Variants in MAN1C1 observed in about 807,000 individuals in gnomAD.
The protein encoded by MAN1C1 is mannosidase alpha class 1C member 1, also known as mannosyl-oligosaccharide 1,2-alpha-mannosidase IC.
In MAN1C1, 49 loss-of-function variants were observed where a neutral mutation model predicts 71.5. The observed-to-expected ratio is 0.69, with a 90% CI of 0.54 to 0.87. The LOEUF (loss-of-function observed/expected upper bound fraction) is 0.87. Among genes scored for constraint, MAN1C1 ranks in the 40% least tolerant of loss-of-function variants. The pLI is 0.00. For missense variants in MAN1C1, 743 were observed against 835.0 expected (o/e 0.89, Z 1.36); for synonymous variants, 352 against 343.7 (o/e 1.02, Z -0.27).
chr1:25,754,189 C>G (rs762403051), intron 5 of MAN1C1, among the ~76,000 whole-genome samples: 2 of 152,184 alleles, frequency 1.3e-5, no homozygotes, highest in Non-Finnish European at 2.9e-5. Flanking sequence ...ATCCTCGAGG[C>G]CCTCCAACAA....
intron 1 of MAN1C1, among the ~76,000 whole-genome samples, chr1:25,663,881 A>G (rs909224362): frequency 2.6e-5 from 4 of 152,256 alleles, no homozygotes; most frequent in Non-Finnish European, 5.9e-5. Context: ...ATAAAAAGTT[A>G]GAACATGGTG....
intron 1 of MAN1C1, among the ~76,000 whole-genome samples, chr1:25,656,136 C>T (rs181459412): frequency 0.03 from 3,459 of 113,780 alleles, 62 homozygotes; most frequent in Middle Eastern, 0.049. Flanking sequence ...CTCACTCTGT[C>T]GCCTAGGCTG....
chr1:25,660,585 G>A (rs1401668606), intron 1 of MAN1C1, among the ~76,000 whole-genome samples: 1 of 150,338 alleles, frequency 6.7e-6, no homozygotes, highest in Non-Finnish European at 1.5e-5. Context: ...GTAGAGACGG[G>A]GTTTCACCGC....
chr1:25,630,773 T>C (rs1019250129), intron 1 of MAN1C1, among the ~76,000 whole-genome samples: 4 of 152,214 alleles, frequency 2.6e-5, no homozygotes, highest in Non-Finnish European at 5.9e-5. Context: ...CCTGAGACTT[T>C]AATGAATTTA....
chr1:25,630,839 T>G (rs1316488686), intron 1 of MAN1C1, among the ~76,000 whole-genome samples: 1 of 152,236 alleles, frequency 6.6e-6, no homozygotes, highest in East Asian at 1.9e-4. Context: ...AGGTATACAG[T>G]CATATCATCT....
intron 2 of MAN1C1, among the ~76,000 whole-genome samples, chr1:25,728,207 T>C (rs1229597163): frequency 3.3e-5 from 5 of 152,194 alleles, no homozygotes; most frequent in Non-Finnish European, 5.9e-5. Context: ...GAGCCCCTGC[T>C]GCGAGCTTCT....
intron 2 of MAN1C1, among the ~76,000 whole-genome samples, chr1:25,707,748 C>T (rs2046543814): frequency 6.6e-6 from 1 of 152,226 alleles, no homozygotes; most frequent in South Asian, 2.1e-4. Context: ...CCTGGATCTG[C>T]ATTTACATTG....
chr1:25,633,259 G>A (rs1381721987), intron 1 of MAN1C1, among the ~76,000 whole-genome samples: 2 of 152,200 alleles, frequency 1.3e-5, no homozygotes, highest in Non-Finnish European at 2.9e-5. Context: ...TGAGAAGAAT[G>A]TGTATTCTGC....
chr1:25,767,946 C>G (rs572206275), intron 7 of MAN1C1, among the ~76,000 whole-genome samples: 17 of 121,798 alleles, frequency 1.4e-4, no homozygotes, highest in African/African-American at 5.4e-4. Context: ...CACCCACACT[C>G]CCCTCACATA....
At position 25,730,845 on chromosome 1, in the gene MAN1C1, T is replaced by C. The variant is rs1334014792; in HGVS notation, c.638-15823T>C. Reference sequence around the variant, plus strand: ...ATGGAGTCCTGCACCCTTCACCTGATTCAGGCCACCCACATCTGCGACAGG... The same window carrying C: ...ATGGAGTCCTGCACCCTTCACCTGACTCAGGCCACCCACATCTGCGACAGG... On this transcript the variant is annotated intron_variant, in intron 2 of 11. Coordinates refer to ENST00000374332, the MANE Select transcript of MAN1C1 (RefSeq NM_020379.4). The surrounding 1 kb of genome is among the most constrained non-coding windows in gnomAD (Gnocchi z 4.3). 2.0e-5 allele frequency among the ~76,000 whole-genome samples: 3 copies of C among 152,198 alleles called. No individual in the cohort carries two copies. The highest frequency in any genetic ancestry group is 4.4e-5 in the Non-Finnish European group (3 of 68,024).
intron 1 of MAN1C1, among the ~76,000 whole-genome samples, chr1:25,643,652 C>T (rs995275805): frequency 6.7e-6 from 1 of 149,368 alleles, no homozygotes; most frequent in Admixed American, 6.7e-5. Flanking sequence ...TTACAGACAC[C>T]CGCCACCCCA....
In MAN1C1 at chr1:25,686,467, A is replaced by C; in HGVS notation, c.568A>C (p.Lys190Gln). 6.2e-7 allele frequency: 1 copy of C among 1,614,200 alleles called. No individual in the cohort carries two copies. Among genetic ancestry groups the C allele is most frequent in the Non-Finnish European group, 8.5e-7 (1 of 1,180,018 alleles). The change falls in exon 2 of 12, where the codon AAG becomes CAG. Residue 190 changes from lysine to glutamine, a missense_variant. Physicochemically the swap from Lys to Gln is moderately conservative, Grantham distance 53. Transcript: ENST00000374332. ...GATGCAGTTTGCTTGGCAGAGCTAT[A>C]AGCGTTATGCAATGGGGAAAAACGA... ...EMMQFAWQSY[K>Q]RYAMGKNELR... is the part of the protein sequence containing the mutation.
chr1:25,660,021 A>C (rs1268135075), intron 1 of MAN1C1, among the ~76,000 whole-genome samples: 1 of 152,220 alleles, frequency 6.6e-6, no homozygotes, highest in Admixed American at 6.5e-5. Context: ...ATTGGCAAAC[A>C]CTATAAACTT....
intron 7 of MAN1C1, among the ~76,000 whole-genome samples, chr1:25,768,649 CACACACACAGA>C (rs2047495902): frequency 1.0e-5 from 1 of 97,720 alleles, no homozygotes. Flanking sequence ...CACACTCCCC[CACACACACAGA>C]CCCACACACC....
chr1:25,702,373 C>T (rs981540859), intron 2 of MAN1C1, among the ~76,000 whole-genome samples: 5 of 152,176 alleles, frequency 3.3e-5, no homozygotes, highest in Non-Finnish European at 5.9e-5. Context: ...GTGGGTCCCA[C>T]AGTCAGTGGA....
chr1:25,779,135 G>T lies in MAN1C1; in HGVS notation c.1477+811G>T, dbSNP rs1200636644. On this transcript the variant is annotated intron_variant, in intron 9 of 11. Transcript: ENST00000374332. This position sits in a 1 kb window ranked among gnomAD's most constrained non-coding sequence, Gnocchi z 4.6. ...GCTCTGAGTGGTAATCCCAGTGTTG[G>T]TTGGAGGGGACGACCCAAGATTTGC... 6.6e-6 allele frequency among the ~76,000 whole-genome samples: 1 copy of T among 152,176 alleles called. No homozygotes were observed. The highest frequency in any genetic ancestry group is 1.5e-5 in the Non-Finnish European group (1 of 68,032).
intron 7 of MAN1C1, among the ~76,000 whole-genome samples, chr1:25,768,793 TAC>T (rs1469185705): frequency 8.4e-5 from 6 of 71,246 alleles, no homozygotes; most frequent in African/African-American, 3.5e-4. Flanking sequence ...ATACACACAT[TAC>T]ACACACTGCG....
intron 1 of MAN1C1, among the ~76,000 whole-genome samples, chr1:25,648,784 A>G (rs1572119705): frequency 6.6e-6 from 1 of 152,238 alleles, no homozygotes; most frequent in Non-Finnish European, 1.5e-5. Context: ...CATTCAAAAA[A>G]TCTCCTCATG....
intron 1 of MAN1C1, among the ~76,000 whole-genome samples, chr1:25,668,942 C>T (rs902018500): frequency 6.6e-6 from 1 of 152,130 alleles, no homozygotes; most frequent in Non-Finnish European, 1.5e-5. Context: ...CAGCCATCAG[C>T]GACAGAAATC....
Sources: allele counts gnomAD v4.1 joint callset (sites outside exome capture counted in the v4.1 genomes callset), GRCh38; gene constraint gnomAD v4.1.1; non-coding constraint Gnocchi (gnomAD v3.1); transcripts MANE v1.5; gene names NCBI Gene and HGNC (gene_info 2026-07-23, HGNC 2026-07-21).